Variants in TECPR2 observed in about 807,000 individuals in gnomAD.
The protein encoded by TECPR2 is tectonin beta-propeller repeat-containing protein 2.
In TECPR2, 65 loss-of-function variants were observed where a neutral mutation model predicts 138.1. The observed-to-expected ratio is 0.47, with a 90% CI of 0.39 to 0.58. The LOEUF is 0.58. TECPR2 is among the 20% of genes least tolerant of loss of function. The probability of loss-of-function intolerance (pLI) is 0.00; values close to 1 mark genes in which losing one functional copy is unlikely to be tolerated. For missense variants in TECPR2, 1,553 were observed against 1,824.5 expected (o/e 0.85, Z 2.71); for synonymous variants, 746 against 749.8 (o/e 0.99, Z 0.08).
intron 3 of TECPR2, among the ~76,000 whole-genome samples, chr14:102,407,721 G>A (rs1286411958): frequency 6.6e-6 from 1 of 151,978 alleles, no homozygotes; most frequent in African/African-American, 2.4e-5. Flanking sequence ...ATTTGGCCGG[G>A]TGCAGTGGCT....
rs774966403 is a variant in TECPR2, at chr14:102,434,672, G to A, written c.1855G>A (p.Asp619Asn). The A allele has an allele frequency of 1.7e-5, 28 of 1,611,566 alleles. No individual in the cohort carries two copies. Among genetic ancestry groups the A allele is most frequent in the Non-Finnish European group, 2.3e-5 (27 of 1,178,406 alleles). The change falls in exon 9 of 20, where the codon GAC becomes AAC. Residue 619 changes from aspartate to asparagine, a missense_variant. Transcript: ENST00000359520. ...NSTQLPFQEQ[D>N]SSPGAHDGED... ...CACACAGTTACCCTTCCAAGAACAG[G>A]ACAGCTCTCCTGGGGCGCATGATGG...
intron 15 of TECPR2, 40 bp downstream of exon 15, chr14:102,450,689 G>C (rs780742681): frequency 1.2e-6 from 2 of 1,601,160 alleles, no homozygotes; most frequent in Admixed American, 3.3e-5. Flanking sequence ...CTAGAGCACA[G>C]CTTGGCCATT....
rs186731804 is a variant in TECPR2, at chr14:102,396,300, G to A, written c.220-11038G>A. Among the ~76,000 whole-genome samples, 143 of 151,866 alleles carry A rather than the reference G, an allele frequency of 9.4e-4. 1 individual carries two copies. Among genetic ancestry groups the A allele is most frequent in the African/African-American group, 3.1e-3 (127 of 41,432 alleles). ...GTATTTTTAGTAGAGACGGAGTTTC[G>A]CCGTGTTGGCCAGGCTGGTCTTGAA... On this transcript the variant is annotated intron_variant, in intron 2 of 19. Coordinates refer to ENST00000359520, the MANE Select transcript of TECPR2 (RefSeq NM_014844.5).
At chr14:102,433,881 C>G (rs1329414491) in intron 8 of TECPR2, among the ~76,000 whole-genome samples, 1 of 152,110 alleles carries the variant, frequency 6.6e-6, no homozygotes, top group Non-Finnish European at 1.5e-5. Context: ...ACCTTTTACT[C>G]CTTGGTTCCT....
chr14:102,379,218 C>T (rs989700348), intron 2 of TECPR2, among the ~76,000 whole-genome samples: 1 of 151,916 alleles, frequency 6.6e-6, no homozygotes, highest in Non-Finnish European at 1.5e-5. Context: ...TGCACAGAGG[C>T]GTCCTAGTCA....
intron 2 of TECPR2, among the ~76,000 whole-genome samples, chr14:102,391,803 G>C (rs1888184730): frequency 6.6e-6 from 1 of 152,016 alleles, no homozygotes; most frequent in Non-Finnish European, 1.5e-5. Flanking sequence ...GATGAGTCTT[G>C]CTCCTTTTCC....
Position 102,437,920 on chromosome 14 carries a change from C to A in TECPR2, c.2395-102C>A, listed in dbSNP as rs898062077. On this transcript the variant is annotated intron_variant, in intron 9 of 19. Coordinates refer to ENST00000359520, the MANE Select transcript of TECPR2 (RefSeq NM_014844.5). ...TTGGCGTCTTGCTGACCCGTTTTAC[C>A]GTCTCGTGTTAATGATATCCTCTCA... The A allele has an allele frequency of 1.5e-5, 20 of 1,353,242 alleles. No individual in the cohort carries two copies. The highest frequency in any genetic ancestry group is 1.6e-5 in the Non-Finnish European group (16 of 990,418). The allele number at this position is 1,353,242 out of a possible 1,614,324, so 83.8% of individuals were successfully genotyped here. A position where few individuals can be genotyped will look rare whatever the true frequency, so the allele number is the denominator to read the frequency against.
chr14:102,442,867 G>C (rs1889871194), intron 11 of TECPR2, among the ~76,000 whole-genome samples: 1 of 152,192 alleles, frequency 6.6e-6, no homozygotes, highest in African/African-American at 2.4e-5. Flanking sequence ...TGCTCCCCTG[G>C]GAATAGCCTT....
At position 102,379,581 on chromosome 14, in the gene TECPR2, A is replaced by G. The variant is rs139509731; in HGVS notation, c.219+2641A>G. On this transcript the variant is annotated intron_variant, in intron 2 of 19. Coordinates refer to ENST00000359520, the MANE Select transcript of TECPR2 (RefSeq NM_014844.5). ...TAAAATCCATGCACAGAGGCACCCT[A>G]GTCACACTGCTGAAGATCACAGTCT... 3.4e-3 allele frequency among the ~76,000 whole-genome samples: 506 copies of G among 150,300 alleles called. 1 individual carries two copies. The highest frequency in any genetic ancestry group is 9.1e-3 in the African/African-American group (371 of 40,712).
intron 2 of TECPR2, among the ~76,000 whole-genome samples, chr14:102,399,084 G>A (rs1298346815): frequency 6.6e-6 from 1 of 152,124 alleles, no homozygotes; most frequent in African/African-American, 2.4e-5. Flanking sequence ...CCAACATGGC[G>A]AAACTCTGTC....
intron 2 of TECPR2, among the ~76,000 whole-genome samples, chr14:102,382,065 G>A (rs1169738859): frequency 5.9e-5 from 9 of 152,126 alleles, no homozygotes; most frequent in African/African-American, 1.4e-4. Context: ...AGGCCGAGGC[G>A]GGTGGATCAC....
chr14:102,415,795 C>T lies in TECPR2; in HGVS notation c.638+1002C>T, dbSNP rs552094510. ...TGCCTGCATAGAATCAGGGGCAGGG[C>T]AGCTGATGGTCACGGCATGTGGGGA... On this transcript the variant is annotated intron_variant, in intron 5 of 19. Coordinates refer to ENST00000359520, the MANE Select transcript of TECPR2 (RefSeq NM_014844.5). This position sits in a 1 kb window ranked among gnomAD's most constrained non-coding sequence, Gnocchi z 4.3. Among the ~76,000 whole-genome samples, 4 of 152,290 alleles carry T rather than the reference C, an allele frequency of 2.6e-5. No individual in the cohort carries two copies. Among genetic ancestry groups the T allele is most frequent in the African/African-American group, 7.2e-5 (3 of 41,568 alleles).
intron 17 of TECPR2, among the ~76,000 whole-genome samples, chr14:102,466,116 A>G (rs1333845069): frequency 2.6e-5 from 4 of 152,154 alleles, no homozygotes; most frequent in Non-Finnish European, 2.9e-5. Flanking sequence ...GCCTTTGTGC[A>G]TAACTGTCTA....
chr14:102,495,069 C>G (rs775902567), intron 17 of TECPR2, among the ~76,000 whole-genome samples: 24 of 152,092 alleles, frequency 1.6e-4, no homozygotes, highest in Non-Finnish European at 3.5e-4. Context: ...CAAAAATTAG[C>G]CTGGTGTGGT....
chr14:102,481,704 T>C (rs2139786996), intron 17 of TECPR2, among the ~76,000 whole-genome samples: 1 of 152,368 alleles, frequency 6.6e-6, no homozygotes, highest in East Asian at 1.9e-4. Flanking sequence ...CTGCCAATTT[T>C]GCCCTCTCTG....
At chr14:102,398,217 A>G (rs993827604) in intron 2 of TECPR2, among the ~76,000 whole-genome samples, 1 of 152,190 alleles carries the variant, frequency 6.6e-6, no homozygotes, top group African/African-American at 2.4e-5. Flanking sequence ...AACTGAAATG[A>G]GAAATTCACT....
At position 102,444,894 on chromosome 14, in the gene TECPR2, G is replaced by A. The variant is rs139598613; in HGVS notation, c.2934-912G>A. Among the ~76,000 whole-genome samples the A allele has an allele frequency of 3.4e-3, 514 of 152,234 alleles. 2 individuals carry two copies. The highest frequency in any genetic ancestry group is 0.011 in the African/African-American group (462 of 41,534). Reference sequence around the variant, plus strand: ...TGGGAGGCGGAAGTTGCAGAGAGCTGAGATCGCACCATTGCACTCCAGCCT... The same window carrying A: ...TGGGAGGCGGAAGTTGCAGAGAGCTAAGATCGCACCATTGCACTCCAGCCT... On this transcript the variant is annotated intron_variant, in intron 12 of 19. Transcript: ENST00000359520.
At position 102,415,998 on chromosome 14, in the gene TECPR2, G is replaced by C. The variant is rs2139704547; in HGVS notation, c.638+1205G>C. Among the ~76,000 whole-genome samples, 1 of 152,348 alleles carries C rather than the reference G, an allele frequency of 6.6e-6. No homozygotes were observed. Among genetic ancestry groups the C allele is most frequent in the East Asian group, 1.9e-4 (1 of 5,192 alleles). On this transcript the variant is annotated intron_variant, in intron 5 of 19. Transcript: ENST00000359520. This position sits in a 1 kb window ranked among gnomAD's most constrained non-coding sequence, Gnocchi z 4.3. ...GTCACTGCCCGTTATTCTGTGTTCT[G>C]GGCTTTGCGGCAACACACAAGTTTA... is the stretch of plus-strand genomic sequence containing the variant.
Position 102,415,689 on chromosome 14 carries a change from A to G in TECPR2, c.638+896A>G. ...CATTAGTACAGATCATGCGTTGATG[A>G]GTCTACAGTCATGGATTGTCGATTG... is the stretch of plus-strand genomic sequence containing the variant. On this transcript the variant is annotated intron_variant, in intron 5 of 19. Transcript: ENST00000359520. The surrounding 1 kb of genome is among the most constrained non-coding windows in gnomAD (Gnocchi z 4.3). Among the ~76,000 whole-genome samples, 1 of 152,072 alleles carries G rather than the reference A, an allele frequency of 6.6e-6. No homozygotes were observed. The highest frequency in any genetic ancestry group is 1.5e-5 in the Non-Finnish European group (1 of 68,018).
Sources: gnomAD v4.1 joint callset for allele counts (sites outside exome capture counted in the v4.1 genomes callset) on GRCh38, gnomAD v4.1.1 for gene constraint, Gnocchi (gnomAD v3.1) non-coding constraint, MANE v1.5 for transcripts, NCBI Gene and HGNC (gene_info 2026-07-23, HGNC 2026-07-21) for gene names.